The following SORBS2 variants were observed in gnomAD, a reference collection of about 807,000 sequenced individuals.
SORBS2 encodes the protein sorbin and SH3 domain-containing protein 2.
A neutral mutation model predicts 97.7 loss-of-function variants in SORBS2; 46 were observed. The observed-to-expected ratio is 0.47, with a 90% confidence interval of 0.37 to 0.60. The LOEUF (loss-of-function observed/expected upper bound fraction) is 0.60, where lower values mean the gene tolerates loss of function less well. Among genes scored for constraint, SORBS2 ranks in the 20% least tolerant of loss-of-function variants. The pLI, the probability that SORBS2 is intolerant of heterozygous loss-of-function variation, is 0.00. For missense variants in SORBS2, 1,316 were observed against 1,282.3 expected (o/e 1.03, Z -0.40); for synonymous variants, 476 against 473.4 (o/e 1.01, Z -0.07).
At chr4:185,895,295 G>C (rs1579361231) in intron 1 of SORBS2, among the ~76,000 whole-genome samples, 1 of 152,318 alleles carries the variant, frequency 6.6e-6, no homozygotes, top group Middle Eastern at 3.4e-3. Flanking sequence ...CTCCTTGTCT[G>C]TATGTTTGCG....
At chr4:185,908,698 A>C (rs2099253102) in intron 1 of SORBS2, among the ~76,000 whole-genome samples, 1 of 151,964 alleles carries the variant, frequency 6.6e-6, no homozygotes, top group South Asian at 2.1e-4. Context: ...AAATATTTCT[A>C]TAAACTAGTA....
At chr4:185,611,416 T>C (rs770618908) in intron 12 of SORBS2, among the ~76,000 whole-genome samples, 23 of 151,454 alleles carry the variant, frequency 1.5e-4, no homozygotes, top group Non-Finnish European at 2.8e-4. Flanking sequence ...ATTATATACA[T>C]AAAATTTACA....
chr4:185,614,159 G>GTTTTTTTTTTTTTTTTTTTTTTT (rs34929054), intron 11 of SORBS2, among the ~76,000 whole-genome samples: 6 of 91,610 alleles, frequency 6.5e-5, no homozygotes, highest in East Asian at 4.0e-4. Context: ...GTTTTTTTGT[G>GTTTTTTTTTTTTTTTTTTTTTTT]TTTTTTTTTT....
At chr4:185,664,817 A>G (rs925791824) in intron 4 of SORBS2, among the ~76,000 whole-genome samples, 1 of 152,236 alleles carries the variant, frequency 6.6e-6, no homozygotes, top group Non-Finnish European at 1.5e-5. Context: ...TGTAGCACAA[A>G]TAAAATTTTG....
chr4:185,850,738 T>A (rs2099217388), intron 1 of SORBS2, among the ~76,000 whole-genome samples: 1 of 152,174 alleles, frequency 6.6e-6, no homozygotes, highest in African/African-American at 2.4e-5. Context: ...TTGACTGGGC[T>A]ATGGGATGCC....
intron 5 of SORBS2, 27 bp from the exon 18 acceptor site, chr4:185,627,046 A>G (rs1486063893): frequency 1.2e-6 from 2 of 1,610,708 alleles, no homozygotes; most frequent in South Asian, 2.2e-5. Context: ...GATCTGTTTG[A>G]TTGGCACTGG....
chr4:185,895,083 G>A (rs1013807073), intron 1 of SORBS2, among the ~76,000 whole-genome samples: 2 of 152,208 alleles, frequency 1.3e-5, no homozygotes, highest in Admixed American at 1.3e-4. Context: ...TTTACTAGTT[G>A]TGTGCTTCTA....
chr4:185,831,296 G>A (rs903030701), intron 1 of SORBS2, among the ~76,000 whole-genome samples: 1 of 152,220 alleles, frequency 6.6e-6, no homozygotes, highest in East Asian at 1.9e-4. Flanking sequence ...GGTAGGTGGG[G>A]TGGCTTCAAT....
intron 8 of SORBS2, among the ~76,000 whole-genome samples, chr4:185,619,498 T>G (rs1284990231): frequency 6.6e-6 from 1 of 152,222 alleles, no homozygotes; most frequent in Non-Finnish European, 1.5e-5. Flanking sequence ...CCAGCCGTCA[T>G]GGCTCCAAGG....
intron 14 of SORBS2, among the ~76,000 whole-genome samples, chr4:185,588,688 C>T (rs1580355466): frequency 6.6e-6 from 1 of 150,426 alleles, no homozygotes; most frequent in East Asian, 2.0e-4. Context: ...GATCTCGGCT[C>T]ACTGCAACCT....
intron 2 of SORBS2, among the ~76,000 whole-genome samples, chr4:185,688,214 C>T (rs2098009814): frequency 1.3e-5 from 2 of 152,020 alleles, no homozygotes; most frequent in African/African-American, 4.8e-5. Context: ...AAAAATTAAC[C>T]ACATTCCCCA....
At chr4:185,934,186 C>T (rs112457483) in intron 1 of SORBS2, among the ~76,000 whole-genome samples, 183 of 152,280 alleles carry the variant, frequency 1.2e-3, no homozygotes, top group African/African-American at 4.3e-3. Flanking sequence ...TATAGCAATT[C>T]GAACACTGTT....
At chr4:185,617,824 G>C (rs916539329) in intron 9 of SORBS2, among the ~76,000 whole-genome samples, 2 of 152,172 alleles carry the variant, frequency 1.3e-5, no homozygotes, top group African/African-American at 4.8e-5. Flanking sequence ...TCTGAGCTTT[G>C]CAGGCTGAGG....
chr4:185,887,780 C>A (rs988567733), intron 1 of SORBS2, among the ~76,000 whole-genome samples: 3 of 152,086 alleles, frequency 2.0e-5, no homozygotes, highest in Non-Finnish European at 2.9e-5. Context: ...CATTTCATAT[C>A]TTCTGGAGAG....
intron 1 of SORBS2, among the ~76,000 whole-genome samples, chr4:185,848,129 T>G (rs2099215577): frequency 6.6e-6 from 1 of 151,952 alleles, no homozygotes; most frequent in South Asian, 2.1e-4. Context: ...TACCCCGAAA[T>G]TATATGAGTA....
Position 185,623,731 on chromosome 4 carries a change from G to C in SORBS2, c.1398C>G (p.Gly466=), listed in dbSNP as rs1053978357. Residue 466 remains glycine (G), a synonymous_variant, in exon 7 of 15, where the codon GGC becomes GGG. Coordinates refer to ENST00000418609, the Ensembl canonical transcript of SORBS2. The surrounding 1 kb of genome is among the most constrained non-coding windows in gnomAD (Gnocchi z 6.4). ...AGCCTCGCCGGCCCCGAGCGGGGGG[G>C]CCGCTTTGATTTTCTTCCTCCAGCA... is the stretch of plus-strand genomic sequence containing the variant. 1 of 1,613,922 alleles carries C rather than the reference G, an allele frequency of 6.2e-7. No homozygotes were observed. Among genetic ancestry groups the C allele is most frequent in the African/African-American group, 1.3e-5 (1 of 74,902 alleles).
At chr4:185,690,226 C>A (rs887112145) in intron 2 of SORBS2, among the ~76,000 whole-genome samples, 1 of 152,200 alleles carries the variant, frequency 6.6e-6, no homozygotes, top group Admixed American at 6.5e-5. Context: ...TCTAGAGCAA[C>A]TTGCCTTTGA....
At chr4:185,933,702 C>G (rs749781546) in intron 1 of SORBS2, among the ~76,000 whole-genome samples, 2 of 152,104 alleles carry the variant, frequency 1.3e-5, no homozygotes, top group Non-Finnish European at 2.9e-5. Context: ...ATGCCCACCC[C>G]ACTCCAAAAT....
At chr4:185,893,706 C>T (rs992783420) in intron 1 of SORBS2, among the ~76,000 whole-genome samples, 2 of 152,104 alleles carry the variant, frequency 1.3e-5, no homozygotes, top group Non-Finnish European at 2.9e-5. Flanking sequence ...TCTTCCATTC[C>T]AGGCGATGGA....
Sources: allele counts gnomAD v4.1 joint callset (sites outside exome capture counted in the v4.1 genomes callset), GRCh38; gene constraint gnomAD v4.1.1; non-coding constraint Gnocchi (gnomAD v3.1); transcripts MANE v1.5; gene names NCBI Gene and HGNC (gene_info 2026-07-23, HGNC 2026-07-21).